The following LRPAP1 variants were observed in gnomAD, a reference collection of about 807,000 sequenced individuals.
The protein encoded by LRPAP1 is LDL receptor related protein associated protein 1.
Under a neutral mutation model 39.9 loss-of-function variants are expected in LRPAP1, and 41 were observed. The observed-to-expected ratio is 1.03, with a 90% CI of 0.80 to 1.33. LRPAP1 has a LOEUF of 1.33. LRPAP1 is among the 40% of genes most tolerant of loss of function. The pLI is 0.00. For synonymous variants in LRPAP1, 263 were observed against 212.7 expected, an observed-to-expected ratio of 1.24 and a Z score of -2.06; for missense variants, 565 against 482.3, an observed-to-expected ratio of 1.17 and a Z score of -1.61.
chr4:3,518,256 G>A (rs1003642123), intron 4 of LRPAP1, 64 bp from the exon 5 acceptor site: 24 of 1,519,556 alleles, frequency 1.6e-5, no homozygotes, highest in East Asian at 6.9e-5. Context: ...CCAGACCACT[G>A]TCTAGAACGC....
chr4:3,532,394 T>G lies in LRPAP1; in HGVS notation c.19A>C (p.Arg7=), dbSNP rs17848316. The G allele has an allele frequency of 4.4e-6, 7 of 1,582,884 alleles. No homozygotes were observed. Among genetic ancestry groups the G allele is most frequent in the African/African-American group, 2.7e-5 (2 of 74,446 alleles). Residue 7 remains arginine (R), a synonymous_variant, in exon 1 of 8, where the codon AGG becomes CGG. Coordinates refer to ENST00000650182, the MANE Select transcript of LRPAP1 (RefSeq NM_002337.4). The stretch of plus-strand genomic sequence containing the variant: ...GCCGGGAGCCCGCGCAGAAACGACC[T>G]GACCCTCCGCGGCGCCATCTTCCTC... MAPRRV[R]SFLRGLPALL...
rs774689758 is a variant in LRPAP1, at chr4:3,514,977, G to A, written c.835-49C>T. 7 of 1,590,656 alleles carry A rather than the reference G, an allele frequency of 4.4e-6. No individual in the cohort carries two copies. In the Admixed American group the frequency reaches 8.4e-5, roughly 19 times the overall value. ...AGTGTTCCCTTCCCGTGCTCGCCAC[G>A]CCATCTTGTGGTCCCGGGTGAACTG... On this transcript the variant is annotated intron_variant, in intron 6 of 7. Coordinates refer to ENST00000650182, the MANE Select transcript of LRPAP1 (RefSeq NM_002337.4).
intron 2 of LRPAP1, among the ~76,000 whole-genome samples, chr4:3,521,928 G>A (rs1729921783): frequency 6.6e-6 from 1 of 152,194 alleles, no homozygotes; most frequent in African/African-American, 2.4e-5. Flanking sequence ...CTGAACCCAG[G>A]TGTTCAAGAC....
Position 3,508,254 on chromosome 4 carries a change from C to T in LRPAP1, c.*4720G>A, listed in dbSNP as rs1382282314. On this transcript the variant is annotated 3_prime_UTR_variant, in exon 8 of 8. Transcript: ENST00000650182. ...CTCCTGACCTCAGGTGATCCATCCACGTTGGCCTCCCAAAGTGCTGGGATT... is the reference window on the plus strand; with the variant it reads ...CTCCTGACCTCAGGTGATCCATCCATGTTGGCCTCCCAAAGTGCTGGGATT... The T allele has an allele frequency of 3.9e-5, 6 of 152,338 alleles. No individual in the cohort carries two copies. Among genetic ancestry groups the T allele is most frequent in the African/African-American group, 9.6e-5 (4 of 41,580 alleles). The allele number at this position is 152,338 out of a possible 1,614,324, so 9.4% of individuals were successfully genotyped here.
At position 3,512,989 on chromosome 4, in the gene LRPAP1, C is replaced by T. The variant is rs1729578666; in HGVS notation, c.1059G>A (p.Arg353=). Residue 353 remains arginine (R), a synonymous_variant, in exon 8 of 8, where the codon CGG becomes CGA. Transcript: ENST00000650182. The part of the protein sequence containing the change: ...QDLSGRISRA[R]HNEL ...CCCAATGCCTTCAGAGTTCGTTGTGCCGAGCTCTGGAGATCCTGCCGGACA... is the reference window on the plus strand; with the variant it reads ...CCCAATGCCTTCAGAGTTCGTTGTGTCGAGCTCTGGAGATCCTGCCGGACA... 4.3e-6 allele frequency: 7 copies of T among 1,611,680 alleles called. No individual in the cohort carries two copies. The highest frequency in any genetic ancestry group is 1.3e-5 in the African/African-American group (1 of 74,876).
chr4:3,506,083 G>A lies in LRPAP1; in HGVS notation c.*6891C>T, dbSNP rs1382858438. Among the ~76,000 whole-genome samples, 2 of 150,434 alleles carry A rather than the reference G, an allele frequency of 1.3e-5. No individual in the cohort carries two copies. Among genetic ancestry groups the A allele is most frequent in the Admixed American group, 6.6e-5 (1 of 15,182 alleles). On this transcript the variant is annotated 3_prime_UTR_variant, in exon 8 of 8. Coordinates refer to ENST00000650182, the MANE Select transcript of LRPAP1 (RefSeq NM_002337.4). ...AAATTTTCAAGCTTTTTTTTTTTGA[G>A]ACAGAGTCTTGCTCTGTTATCCATG...
At chr4:3,530,065 G>A (rs1243950914) in intron 1 of LRPAP1, among the ~76,000 whole-genome samples, 5 of 152,164 alleles carry the variant, frequency 3.3e-5, no homozygotes, top group Admixed American at 6.5e-5. Flanking sequence ...TACCTAGAGC[G>A]GCGAGTCAGG....
chr4:3,525,838 A>C (rs1730063692), intron 1 of LRPAP1, among the ~76,000 whole-genome samples: 1 of 152,248 alleles, frequency 6.6e-6, no homozygotes, highest in African/African-American at 2.4e-5. Flanking sequence ...ATTTAGGCCA[A>C]GAGTGTCCCC....
rs1423055512 is a variant in LRPAP1, at chr4:3,510,001, T to C, written c.*2973A>G. On this transcript the variant is annotated 3_prime_UTR_variant, in exon 8 of 8. Transcript: ENST00000650182. ...AGAAGGCATGTTTTTTTGGTAGAAA[T>C]TGAGACACTGATTGTAAAACATATA... 6.6e-6 allele frequency: 1 copy of C among 152,206 alleles called. No homozygotes were observed. Among genetic ancestry groups the C allele is most frequent in the Non-Finnish European group, 1.5e-5 (1 of 68,032 alleles). 9.4% of individuals were successfully genotyped at this position (152,206 alleles called of 1,614,324 possible). A position where few individuals can be genotyped will look rare whatever the true frequency, so the allele number is the denominator to read the frequency against.
Position 3,524,949 on chromosome 4 carries a change from C to A in LRPAP1, c.307G>T (p.Glu103Ter). Residue 103 changes from glutamate to a stop codon, truncating the protein, a stop_gained, in exon 2 of 8, where the codon GAA becomes TAA. Coordinates refer to ENST00000650182, the MANE Select transcript of LRPAP1 (RefSeq NM_002337.4). LOFTEE classifies it high-confidence loss of function. Reference protein sequence around the residue: ...WKKLKLDGLDEDGEKEARLIR... With the variant: ...WKKLKLDGLD The stretch of plus-strand genomic sequence containing the variant: ...AGTCTCGCTTCCTTCTCCCCATCTT[C>A]GTCCAAGCCGTCAAGCTTTAGTTTC... 2 of 1,614,226 alleles carry A rather than the reference C, an allele frequency of 1.2e-6. No homozygotes were observed. The highest frequency in any genetic ancestry group is 8.5e-7 in the Non-Finnish European group (1 of 1,180,042).
intron 3 of LRPAP1, among the ~76,000 whole-genome samples, chr4:3,519,819 G>A (rs1340976620): frequency 1.3e-5 from 2 of 152,266 alleles, no homozygotes; most frequent in African/African-American, 4.8e-5. Context: ...GACCTGAGCT[G>A]AAGGTCTGAC....
At chr4:3,528,381 C>G (rs1353847742) in intron 1 of LRPAP1, among the ~76,000 whole-genome samples, 1 of 152,050 alleles carries the variant, frequency 6.6e-6, no homozygotes, top group African/African-American at 2.4e-5. Context: ...TGCTTGGGAC[C>G]TCAGCAGTGG....
chr4:3,516,473 G>C (rs1167139121), intron 5 of LRPAP1, among the ~76,000 whole-genome samples: 1 of 130,372 alleles, frequency 7.7e-6, no homozygotes, highest in South Asian at 2.7e-4. Context: ...CTCCATCAGA[G>C]CCTGGGAAGC....
chr4:3,516,066 GA>G (rs1560254164), intron 6 of LRPAP1, 49 bp downstream of exon 6: 2 of 1,518,798 alleles, frequency 1.3e-6, no homozygotes, highest in African/African-American at 2.8e-5. Flanking sequence ...AACTGCAAGA[GA>G]ATCTTCACCA....
At position 3,512,834 on chromosome 4, in the gene LRPAP1, C is replaced by T. The variant is rs1029864675; in HGVS notation, c.*140G>A. On this transcript the variant is annotated 3_prime_UTR_variant, in exon 8 of 8. Coordinates refer to ENST00000650182, the MANE Select transcript of LRPAP1 (RefSeq NM_002337.4). ...GTCGCGACGGCAGCGGCTGCAGTCA[C>T]CAGAAACAATCCTTCCTGCCTCGAC... 1.3e-5 allele frequency: 9 copies of T among 686,088 alleles called. No individual in the cohort carries two copies. Among genetic ancestry groups the T allele is most frequent in the Non-Finnish European group, 1.9e-5 (8 of 410,414 alleles). 42.5% of individuals were successfully genotyped at this position (686,088 alleles called of 1,614,324 possible). A position where few individuals can be genotyped will look rare whatever the true frequency, so the allele number is the denominator to read the frequency against.
intron 1 of LRPAP1, among the ~76,000 whole-genome samples, chr4:3,526,960 C>A (rs1358770300): frequency 6.6e-6 from 1 of 152,194 alleles, no homozygotes; most frequent in African/African-American, 2.4e-5. Flanking sequence ...GAGCCAAGAT[C>A]CCCAATGGTA....
At chr4:3,519,065 T>C (rs1729825219) in intron 3 of LRPAP1, 74 bp from the exon 4 acceptor site, 1 of 1,574,044 alleles carries the variant, frequency 6.4e-7, no homozygotes, top group African/African-American at 1.3e-5. Flanking sequence ...AGCCAACCAC[T>C]CCTCATGGCC....
In LRPAP1 at chr4:3,527,306, G is replaced by A. The variant is rs189766116; in HGVS notation, c.205-2255C>T. On this transcript the variant is annotated intron_variant, in intron 1 of 7. Transcript: ENST00000650182. ...CTCTGTGCCCTGGACACTTGCCTGC[G>A]GCGTCCACTGGAAGGCCCTAGGAGA... 2.2e-3 allele frequency among the ~76,000 whole-genome samples: 335 copies of A among 152,106 alleles called. 1 individual carries two copies. Among genetic ancestry groups the A allele is most frequent in the African/African-American group, 7.4e-3 (306 of 41,472 alleles).
chr4:3,526,356 C>T (rs773970620), intron 1 of LRPAP1, among the ~76,000 whole-genome samples: 1 of 152,232 alleles, frequency 6.6e-6, no homozygotes, highest in Non-Finnish European at 1.5e-5. Context: ...TGTCTCTGAT[C>T]ATGTGTGTTT....
Sources: allele counts gnomAD v4.1 joint callset (sites outside exome capture counted in the v4.1 genomes callset), GRCh38; gene constraint gnomAD v4.1.1; transcripts MANE v1.5; gene names NCBI Gene and HGNC (gene_info 2026-07-23, HGNC 2026-07-21).